MALRD1: variants seen among roughly 807,000 people sequenced by gnomAD.
The protein encoded by MALRD1 is MAM and LDL receptor class A domain containing 1.
A neutral mutation model predicts 242.1 loss-of-function variants in MALRD1; 247 were observed. The ratio of observed to expected loss-of-function variants is 1.02; its 90% CI spans 0.92 to 1.13. The LOEUF (loss-of-function observed/expected upper bound fraction) is 1.13, where lower values mean the gene tolerates loss of function less well. Ranked by LOEUF, MALRD1 falls within the 50% of genes most tolerant of loss-of-function variation. The pLI is 0.00. For synonymous variants in MALRD1, 995 were observed against 866.6 expected (o/e 1.15, Z -2.60); for missense variants, 2,989 against 2,533.1 (o/e 1.18, Z -3.86).
Position 19,162,422 on chromosome 10 carries a change from A to G in MALRD1, c.1657-3215A>G, listed in dbSNP as rs58268467. 9.3e-3 allele frequency among the ~76,000 whole-genome samples: 1,422 copies of G among 152,280 alleles called. 23 individuals carry two copies. Among genetic ancestry groups the G allele is most frequent in the African/African-American group, 0.032 (1,316 of 41,556 alleles). ...GAATACTTAGAAAATACAAATTACTATAATAAGTTCTGTGAGGAATTTATG... is the reference window on the plus strand; with the variant it reads ...GAATACTTAGAAAATACAAATTACTGTAATAAGTTCTGTGAGGAATTTATG... On this transcript the variant is annotated intron_variant, in intron 12 of 39. Coordinates refer to ENST00000454679, the MANE Select transcript of MALRD1 (RefSeq NM_001142308.3).
At position 19,325,641 on chromosome 10, in the gene MALRD1, G is replaced by A. The variant is rs74121486; in HGVS notation, c.3576+1536G>A. On this transcript the variant is annotated intron_variant, in intron 22 of 39. Coordinates refer to ENST00000454679, the MANE Select transcript of MALRD1 (RefSeq NM_001142308.3). ...TTTCATAGCTTATGTGTTTCTTTCC[G>A]GGAAGCCCTGTCTGAAATAAATCCA... 9.0e-3 allele frequency among the ~76,000 whole-genome samples: 1,364 copies of A among 152,070 alleles called. 18 individuals are homozygous for A. The highest frequency in any genetic ancestry group is 0.031 in the African/African-American group (1,287 of 41,496).
At chr10:19,315,610 ATAT>A (rs1228653998) in intron 21 of MALRD1, among the ~76,000 whole-genome samples, 5 of 85,832 alleles carry the variant, frequency 5.8e-5, no homozygotes, top group African/African-American at 1.8e-4. Context: ...TAAATTATAA[ATAT>A]TTATATAAAT....
At chr10:19,584,264 T>A (rs1837280959) in intron 33 of MALRD1, among the ~76,000 whole-genome samples, 1 of 152,178 alleles carries the variant, frequency 6.6e-6, no homozygotes. Flanking sequence ...TGCCTTCTGT[T>A]AGCTTTTGAA....
At chr10:19,064,942 G>A (rs79556707) in intron 1 of MALRD1, among the ~76,000 whole-genome samples, 1,992 of 151,034 alleles carry the variant, frequency 0.013, 42 homozygotes, top group African/African-American at 0.046. Flanking sequence ...TGTTATTTAC[G>A]TGCAAATTAA....
intron 28 of MALRD1, among the ~76,000 whole-genome samples, chr10:19,413,184 G>A (rs1833353506): frequency 6.6e-6 from 1 of 152,120 alleles, no homozygotes; most frequent in African/African-American, 2.4e-5. Flanking sequence ...GAGACTCAAA[G>A]ATTTTCAGTC....
At chr10:19,374,578 G>A (rs539936923) in intron 26 of MALRD1, among the ~76,000 whole-genome samples, 45 of 152,218 alleles carry the variant, frequency 3.0e-4, no homozygotes, top group South Asian at 8.3e-4. Context: ...AATGACATGC[G>A]TATAGTTTCG....
At chr10:19,484,389 G>A (rs552703002) in intron 29 of MALRD1, among the ~76,000 whole-genome samples, 1 of 152,242 alleles carries the variant, frequency 6.6e-6, no homozygotes, top group Non-Finnish European at 1.5e-5. Context: ...ATGTGAACAT[G>A]AAAAAGAGAG....
intron 22 of MALRD1, among the ~76,000 whole-genome samples, chr10:19,325,570 A>G (rs1041451583): frequency 3.3e-5 from 5 of 152,070 alleles, no homozygotes; most frequent in Non-Finnish European, 7.4e-5. Flanking sequence ...CACCTCAGTT[A>G]TATTGAAGAA....
intron 29 of MALRD1, among the ~76,000 whole-genome samples, chr10:19,451,735 G>A (rs953306399): frequency 3.3e-5 from 5 of 152,168 alleles, no homozygotes; most frequent in African/African-American, 4.8e-5. Flanking sequence ...CTCTTTTTAT[G>A]AGTGGTACTG....
At chr10:19,049,903 G>T (rs964731139) in intron 1 of MALRD1, among the ~76,000 whole-genome samples, 8 of 152,066 alleles carry the variant, frequency 5.3e-5, no homozygotes, top group Non-Finnish European at 1.0e-4. Context: ...AATCTTCAGG[G>T]TTCACCATAT....
At chr10:19,057,315 T>TCAA (rs1564365035) in intron 1 of MALRD1, among the ~76,000 whole-genome samples, 22 of 152,156 alleles carry the variant, frequency 1.4e-4, no homozygotes, top group African/African-American at 5.1e-4. Flanking sequence ...TGCCAGCAGA[T>TCAA]TCAGTGTCTG....
At position 19,553,882 on chromosome 10, in the gene MALRD1, C is replaced by T. The variant is rs142447426; in HGVS notation, c.5479-13620C>T. ...CCTAGGAAGTTTGAGACTAGAAGAT[C>T]TCCAAGGTCCTTTCTAACTCTAAAG... On this transcript the variant is annotated intron_variant, in intron 32 of 39. Coordinates refer to ENST00000454679, the MANE Select transcript of MALRD1 (RefSeq NM_001142308.3). Among the ~76,000 whole-genome samples the T allele has an allele frequency of 2.4e-3, 367 of 152,262 alleles. 1 individual carries two copies. The highest frequency in any genetic ancestry group is 8.7e-3 in the African/African-American group (360 of 41,554).
intron 1 of MALRD1, among the ~76,000 whole-genome samples, chr10:19,050,422 T>G (rs1834458878): frequency 6.6e-6 from 1 of 152,134 alleles, no homozygotes; most frequent in Non-Finnish European, 1.5e-5. Context: ...TATCAATTCA[T>G]GTTTACAGAA....
intron 23 of MALRD1, among the ~76,000 whole-genome samples, chr10:19,329,895 G>C (rs1048181032): frequency 1.3e-5 from 2 of 152,166 alleles, no homozygotes; most frequent in African/African-American, 4.8e-5. Flanking sequence ...AACAAGGCAA[G>C]TATCTGAGAT....
chr10:19,171,159 AT>A (rs1244365076), intron 13 of MALRD1, among the ~76,000 whole-genome samples: 1 of 151,874 alleles, frequency 6.6e-6, no homozygotes, highest in Non-Finnish European at 1.5e-5. Flanking sequence ...GCAAGAAATT[AT>A]TTTTTTCATA....
intron 26 of MALRD1, among the ~76,000 whole-genome samples, chr10:19,358,654 G>A (rs572231829): frequency 2.6e-5 from 4 of 152,148 alleles, no homozygotes; most frequent in South Asian, 2.1e-4. Flanking sequence ...GGGGACTGTC[G>A]GAATCTACTT....
At chr10:19,526,734 G>C (rs150654587) in intron 31 of MALRD1, among the ~76,000 whole-genome samples, 1 of 152,092 alleles carries the variant, frequency 6.6e-6, no homozygotes, top group South Asian at 2.1e-4. Context: ...TGATTGTCCT[G>C]TGCCAAAATA....
At chr10:19,178,625 T>G (rs1180645582) in intron 14 of MALRD1, among the ~76,000 whole-genome samples, 4 of 152,206 alleles carry the variant, frequency 2.6e-5, no homozygotes, top group South Asian at 4.1e-4. Context: ...TAATCAAGCT[T>G]CTTCTCCTTC....
intron 1 of MALRD1, among the ~76,000 whole-genome samples, chr10:19,056,404 C>T (rs1834668844): frequency 6.6e-6 from 1 of 150,448 alleles, no homozygotes; most frequent in Non-Finnish European, 1.5e-5. Flanking sequence ...AGATATTTCA[C>T]CTTGTTAATT....
Sources: gnomAD v4.1 joint callset for allele counts (sites outside exome capture counted in the v4.1 genomes callset) on GRCh38, gnomAD v4.1.1 for gene constraint, MANE v1.5 for transcripts, NCBI Gene and HGNC (gene_info 2026-07-23, HGNC 2026-07-21) for gene names.